UBE2F: variants seen among roughly 807,000 people sequenced by gnomAD.
The protein encoded by UBE2F is ubiquitin conjugating enzyme E2 F (putative).
UBE2F carries 5 observed loss-of-function variants against 29.6 expected under a neutral mutation model. The observed-to-expected ratio is 0.17, with a 90% CI of 0.09 to 0.36. The LOEUF (loss-of-function observed/expected upper bound fraction) is 0.36, where lower values mean the gene tolerates loss of function less well. UBE2F is among the 10% of genes least tolerant of loss of function. The probability of loss-of-function intolerance (pLI) is 1.00; values close to 1 mark genes in which losing one functional copy is unlikely to be tolerated. For synonymous variants in UBE2F, 66 were observed against 81.8 expected, an observed-to-expected ratio of 0.81 and a Z score of 1.04; for missense variants, 141 against 228.5, an observed-to-expected ratio of 0.62 and a Z score of 2.47.
At chr2:238,019,666 T>TTTA (rs2064246043) in intron 5 of UBE2F, among the ~76,000 whole-genome samples, 3 of 143,042 alleles carry the variant, frequency 2.1e-5, no homozygotes, top group Admixed American at 2.1e-4. Context: ...TTTTTTTTTT[T>TTTA]TTTTTTTAAT....
chr2:238,024,062 A>T, intron 5 of UBE2F, among the ~76,000 whole-genome samples: 1 of 152,184 alleles, frequency 6.6e-6, no homozygotes. Flanking sequence ...GGCAGAAATA[A>T]CTAAAACATA....
chr2:237,967,682 A>G lies in UBE2F; in HGVS notation c.-17+550A>G, dbSNP rs1485072123. Among the ~76,000 whole-genome samples the G allele has an allele frequency of 6.6e-6, 1 of 152,200 alleles. No homozygotes were observed. The highest frequency in any genetic ancestry group is 1.5e-5 in the Non-Finnish European group (1 of 68,026). The stretch of plus-strand genomic sequence containing the variant: ...ACTCGCGCCCGGTCCTCGTACCTGC[A>G]GCGGGAAGAGTAAGTATGGACGCTT... On this transcript the variant is annotated intron_variant, in intron 1 of 9. Transcript: ENST00000272930. The surrounding 1 kb of genome is among the most constrained non-coding windows in gnomAD (Gnocchi z 6.3).
At chr2:237,970,423 T>C (rs1363739766) in intron 1 of UBE2F, among the ~76,000 whole-genome samples, 1 of 152,200 alleles carries the variant, frequency 6.6e-6, no homozygotes, top group Non-Finnish European at 1.5e-5. Flanking sequence ...GAAACTAGTG[T>C]GTCTGTGGTG....
chr2:238,019,399 A>G (rs2064238655), intron 5 of UBE2F, among the ~76,000 whole-genome samples: 1 of 151,072 alleles, frequency 6.6e-6, no homozygotes, highest in Non-Finnish European at 1.5e-5. Context: ...TTTTTTTGAT[A>G]CAGAGTCTCA....
At chr2:237,984,128 G>A (rs4233632) in intron 2 of UBE2F, among the ~76,000 whole-genome samples, 129,711 of 151,000 alleles carry the variant, frequency 0.86, 55,847 homozygotes, top group East Asian at 0.97. Flanking sequence ...TGGCACTCCC[G>A]CATCCCAGCA....
chr2:238,013,203 G>A (rs535435031), intron 4 of UBE2F, among the ~76,000 whole-genome samples: 3 of 152,268 alleles, frequency 2.0e-5, no homozygotes, highest in African/African-American at 7.2e-5. Context: ...CCTGGAGTTC[G>A]AGGCTGCAGT....
chr2:238,016,929 T>C (rs2064169090), intron 5 of UBE2F, among the ~76,000 whole-genome samples: 1 of 152,224 alleles, frequency 6.6e-6, no homozygotes, highest in African/African-American at 2.4e-5. Flanking sequence ...AAGCATTTAA[T>C]AAAATGACTG....
intron 3 of UBE2F, among the ~76,000 whole-genome samples, chr2:237,993,990 A>G (rs2063639928): frequency 6.6e-6 from 1 of 152,180 alleles, no homozygotes; most frequent in Non-Finnish European, 1.5e-5. Context: ...TTTTACCAAT[A>G]AAGCAAGCTG....
At chr2:238,011,141 C>G (rs1157180786) in intron 4 of UBE2F, among the ~76,000 whole-genome samples, 1 of 152,210 alleles carries the variant, frequency 6.6e-6, no homozygotes, top group Non-Finnish European at 1.5e-5. Context: ...TACTCAGACC[C>G]CTTTCATGGC....
At chr2:238,008,493 A>G (rs2063952301) in intron 4 of UBE2F, among the ~76,000 whole-genome samples, 1 of 152,038 alleles carries the variant, frequency 6.6e-6, no homozygotes, top group African/African-American at 2.4e-5. Flanking sequence ...CTATCCTTTT[A>G]AGTTCTGTAG....
At chr2:238,013,354 G>A (rs1433794812) in intron 4 of UBE2F, among the ~76,000 whole-genome samples, 1 of 152,188 alleles carries the variant, frequency 6.6e-6, no homozygotes, top group East Asian at 1.9e-4. Flanking sequence ...AGCAAATATA[G>A]GGAAAAGCAC....
intron 3 of UBE2F, among the ~76,000 whole-genome samples, chr2:237,990,077 C>T (rs1374180767): frequency 7.0e-6 from 1 of 142,128 alleles, no homozygotes; most frequent in Non-Finnish European, 1.5e-5. Flanking sequence ...GAGATTGTGC[C>T]ACTGCACTCC....
At chr2:238,018,460 A>G (rs1364745746) in intron 5 of UBE2F, among the ~76,000 whole-genome samples, 2 of 152,336 alleles carry the variant, frequency 1.3e-5, no homozygotes, top group East Asian at 3.9e-4. Flanking sequence ...AAGCAAACTA[A>G]GAGAAAATAC....
intron 1 of UBE2F, chr2:237,968,752 G>T: frequency 1.4e-6 from 1 of 718,674 alleles, no homozygotes; most frequent in Non-Finnish European, 1.7e-6. Flanking sequence ...TACAACTTGT[G>T]GAATTTAGAA....
intron 1 of UBE2F, among the ~76,000 whole-genome samples, chr2:237,968,246 G>C (rs2106315830): frequency 1.3e-5 from 2 of 152,288 alleles, no homozygotes; most frequent in East Asian, 3.9e-4. Flanking sequence ...GCTTAGTGCT[G>C]TGGGGCTTGA....
chr2:237,989,381 C>G (rs926351704), intron 3 of UBE2F, among the ~76,000 whole-genome samples: 4 of 152,124 alleles, frequency 2.6e-5, no homozygotes, highest in African/African-American at 9.7e-5. Flanking sequence ...AAGACAGAGG[C>G]TCACTCTGTC....
chr2:238,033,366 A>T (rs921942266), intron 8 of UBE2F, among the ~76,000 whole-genome samples: 1 of 152,238 alleles, frequency 6.6e-6, no homozygotes, highest in Non-Finnish European at 1.5e-5. Context: ...AGGCGCTTTT[A>T]AAGAAATAAG....
At chr2:238,017,910 G>A (rs1576627622) in intron 5 of UBE2F, among the ~76,000 whole-genome samples, 1 of 152,132 alleles carries the variant, frequency 6.6e-6, no homozygotes, top group Non-Finnish European at 1.5e-5. Context: ...ACTGGGCTCC[G>A]TTCAGTGGCT....
Position 238,041,582 on chromosome 2 carries a change from A to G in UBE2F, c.*244A>G, listed in dbSNP as rs1404113822. 8 of 471,816 alleles carry G rather than the reference A, an allele frequency of 1.7e-5. No individual in the cohort carries two copies. Among genetic ancestry groups the G allele is most frequent in the African/African-American group, 3.9e-5 (2 of 51,014 alleles). 29.2% of individuals were successfully genotyped at this position (471,816 alleles called of 1,614,324 possible). ...TGAAGAGTTGTCTGCTTACCTTAAC[A>G]TGTTTACTTTTTTGAACTTGTACTG... is the stretch of plus-strand genomic sequence containing the variant. On this transcript the variant is annotated 3_prime_UTR_variant, in exon 10 of 10. Coordinates refer to ENST00000272930, the MANE Select transcript of UBE2F (RefSeq NM_080678.3).
Sources: gnomAD v4.1 joint callset for allele counts (sites outside exome capture counted in the v4.1 genomes callset) on GRCh38, gnomAD v4.1.1 for gene constraint, Gnocchi (gnomAD v3.1) non-coding constraint, MANE v1.5 for transcripts, NCBI Gene and HGNC (gene_info 2026-07-23, HGNC 2026-07-21) for gene names.